The following LRFN5 variants were observed in gnomAD, a reference collection of about 807,000 sequenced individuals.
LRFN5 encodes the protein leucine rich repeat and fibronectin type III domain containing 5, also known as leucine-rich repeat and fibronectin type-III domain-containing protein 5.
In LRFN5, 24 loss-of-function variants were observed where a neutral mutation model predicts 45.6. The ratio of observed to expected loss-of-function variants is 0.53; its 90% CI spans 0.38 to 0.74. The LOEUF (loss-of-function observed/expected upper bound fraction) is 0.74, where lower values mean the gene tolerates loss of function less well. Ranked by LOEUF, LRFN5 falls within the 30% of genes least tolerant of loss-of-function variation. The probability of loss-of-function intolerance (pLI) is 0.00; values close to 1 mark genes in which losing one functional copy is unlikely to be tolerated. For missense variants in LRFN5, 776 were observed against 861.5 expected, an observed-to-expected ratio of 0.90 and a Z score of 1.24; for synonymous variants, 340 against 313.8, an observed-to-expected ratio of 1.08 and a Z score of -0.88.
intron 2 of LRFN5, among the ~76,000 whole-genome samples, chr14:41,777,659 T>A (rs1357001874): frequency 6.6e-6 from 1 of 151,854 alleles, no homozygotes; most frequent in East Asian, 1.9e-4. Flanking sequence ...TCTATTACAT[T>A]GGTAAATGAA....
At chr14:41,848,846 C>T (rs548270607) in intron 2 of LRFN5, among the ~76,000 whole-genome samples, 7 of 152,104 alleles carry the variant, frequency 4.6e-5, no homozygotes, top group African/African-American at 1.7e-4. Flanking sequence ...TGAAATTAGT[C>T]CTGAGTTTAA....
intron 4 of LRFN5, chr14:41,892,419 C>T: frequency 1.0e-6 from 1 of 984,420 alleles, no homozygotes; most frequent in Non-Finnish European, 1.2e-6. Flanking sequence ...ATTCTAGGAC[C>T]AACTCCTAGG....
At chr14:41,754,636 T>C (rs990158988) in intron 1 of LRFN5, among the ~76,000 whole-genome samples, 8 of 152,166 alleles carry the variant, frequency 5.3e-5, no homozygotes, top group Non-Finnish European at 1.2e-4. Context: ...TTTTATTGTG[T>C]CTATTTGATT....
intron 1 of LRFN5, among the ~76,000 whole-genome samples, chr14:41,649,269 C>T (rs965318555): frequency 2.7e-5 from 4 of 150,896 alleles, no homozygotes; most frequent in Non-Finnish European, 4.4e-5. Flanking sequence ...AAGTAAGCAC[C>T]AGTAAGTATA....
intron 2 of LRFN5, among the ~76,000 whole-genome samples, chr14:41,787,644 ATATTT>A (rs532799131): frequency 6.6e-5 from 10 of 151,736 alleles, no homozygotes; most frequent in Non-Finnish European, 1.5e-4. Flanking sequence ...AAGTTCATAA[ATATTT>A]TATTTCATTT....
At chr14:41,892,355 CATAA>C (rs1306930996) in intron 4 of LRFN5, 1 of 984,200 alleles carries the variant, frequency 1.0e-6, no homozygotes, top group Non-Finnish European at 1.2e-6. Flanking sequence ...TGGAAGGAAA[CATAA>C]ATAAAATGGA....
intron 1 of LRFN5, among the ~76,000 whole-genome samples, chr14:41,706,641 A>G (rs938897317): frequency 9.2e-5 from 14 of 152,038 alleles, no homozygotes; most frequent in Non-Finnish European, 1.5e-4. Context: ...ATACCAGTCT[A>G]TGTGATGGAT....
At chr14:41,852,272 T>A (rs1425029476) in intron 2 of LRFN5, among the ~76,000 whole-genome samples, 1 of 151,922 alleles carries the variant, frequency 6.6e-6, no homozygotes, top group Non-Finnish European at 1.5e-5. Context: ...GAATCTATAC[T>A]TCTTTTTTTG....
chr14:41,653,676 G>T (rs984178176), intron 1 of LRFN5, among the ~76,000 whole-genome samples: 4 of 152,080 alleles, frequency 2.6e-5, no homozygotes, highest in African/African-American at 9.7e-5. Flanking sequence ...AGAGTAACTG[G>T]TCTGCATAAA....
chr14:41,824,373 T>C (rs1706914888), intron 2 of LRFN5, among the ~76,000 whole-genome samples: 1 of 152,206 alleles, frequency 6.6e-6, no homozygotes, highest in East Asian at 1.9e-4. Context: ...TATTACCATT[T>C]AGCTTTTATT....
At chr14:41,762,094 A>G (rs1458730886) in intron 1 of LRFN5, among the ~76,000 whole-genome samples, 2 of 151,738 alleles carry the variant, frequency 1.3e-5, no homozygotes, top group Non-Finnish European at 2.9e-5. Flanking sequence ...AAAAACAATG[A>G]AAAGCAAGCA....
At chr14:41,836,615 C>G (rs1051068074) in intron 2 of LRFN5, among the ~76,000 whole-genome samples, 2 of 152,112 alleles carry the variant, frequency 1.3e-5, no homozygotes, top group Non-Finnish European at 2.9e-5. Flanking sequence ...TATTCATGTT[C>G]TGTAGTGATC....
intron 2 of LRFN5, among the ~76,000 whole-genome samples, chr14:41,851,965 C>T (rs1431982946): frequency 6.7e-6 from 1 of 148,254 alleles, no homozygotes; most frequent in Non-Finnish European, 1.5e-5. Flanking sequence ...AGTGGTAATC[C>T]TTGCTCTAAA....
chr14:41,791,837 A>T (rs1886932019), intron 2 of LRFN5, among the ~76,000 whole-genome samples: 1 of 152,122 alleles, frequency 6.6e-6, no homozygotes, highest in African/African-American at 2.4e-5. Context: ...TATGCTAGAT[A>T]AGACTTTTGA....
intron 2 of LRFN5, among the ~76,000 whole-genome samples, chr14:41,793,808 G>A (rs906094048): frequency 6.6e-5 from 10 of 152,166 alleles, no homozygotes; most frequent in Admixed American, 5.9e-4. Flanking sequence ...TTTCTAGCCA[G>A]AGATTTTCAC....
intron 2 of LRFN5, among the ~76,000 whole-genome samples, chr14:41,858,682 G>A (rs1037384472): frequency 6.6e-6 from 1 of 152,072 alleles, no homozygotes. Flanking sequence ...AATCTTCAGA[G>A]TACTCCAAAG....
At chr14:41,896,190 C>T (rs552883106) in intron 4 of LRFN5, among the ~76,000 whole-genome samples, 5 of 151,994 alleles carry the variant, frequency 3.3e-5, no homozygotes, top group Non-Finnish European at 5.9e-5. Flanking sequence ...TTTAAAAATC[C>T]ATAAATATAA....
chr14:41,802,619 A>T (rs1887375535), intron 2 of LRFN5, among the ~76,000 whole-genome samples: 1 of 152,118 alleles, frequency 6.6e-6, no homozygotes, highest in Admixed American at 6.6e-5. Flanking sequence ...CTAGGATAAA[A>T]TTTTCTTAGC....
intron 2 of LRFN5, among the ~76,000 whole-genome samples, chr14:41,823,493 G>T (rs1291406140): frequency 5.3e-5 from 8 of 151,606 alleles, no homozygotes. Flanking sequence ...GATTTGTAAG[G>T]TTTCTGCAGA....
Sources: gnomAD v4.1 joint callset for allele counts (sites outside exome capture counted in the v4.1 genomes callset) on GRCh38, gnomAD v4.1.1 for gene constraint, MANE v1.5 for transcripts, NCBI Gene and HGNC (gene_info 2026-07-23, HGNC 2026-07-21) for gene names.